The following FNDC7 variants were observed in gnomAD, a reference collection of about 807,000 sequenced individuals.
FNDC7 encodes the protein fibronectin type III domain containing 7.
A neutral mutation model predicts 74.2 loss-of-function variants in FNDC7; 66 were observed. The ratio of observed to expected loss-of-function variants is 0.89; its 90% confidence interval spans 0.73 to 1.09. FNDC7 has a LOEUF of 1.09. Ranked by LOEUF, FNDC7 falls within the 50% of genes least tolerant of loss-of-function variation. The pLI is 0.00. For missense variants in FNDC7, 829 were observed against 893.4 expected (o/e 0.93, Z 0.92); for synonymous variants, 307 against 330.2 (o/e 0.93, Z 0.76).
At chr1:108,729,206 T>TG (rs1265148818) in intron 8 of FNDC7, among the ~76,000 whole-genome samples, 2 of 152,210 alleles carry the variant, frequency 1.3e-5, no homozygotes, top group Non-Finnish European at 2.9e-5. Flanking sequence ...CCAAATGAGC[T>TG]GGGTTGTTAC....
intron 9 of FNDC7, among the ~76,000 whole-genome samples, chr1:108,732,290 C>A (rs371310603): frequency 5.2e-4 from 69 of 132,722 alleles, no homozygotes; most frequent in African/African-American, 1.8e-3. Flanking sequence ...ACCCGGGAGG[C>A]GGAGTTTGCA....
intron 4 of FNDC7, among the ~76,000 whole-genome samples, chr1:108,719,741 C>T (rs953401116): frequency 4.4e-5 from 4 of 90,356 alleles, no homozygotes; most frequent in Admixed American, 1.5e-4. Flanking sequence ...GTGAGCCAAG[C>T]GAATGAGAGA....
chr1:108,723,458 G>T (rs1661139800), intron 5 of FNDC7, among the ~76,000 whole-genome samples: 1 of 151,840 alleles, frequency 6.6e-6, no homozygotes, highest in Admixed American at 6.6e-5. Context: ...AAGAAAAGGA[G>T]CTGTCATCAA....
At chr1:108,725,623 C>A in intron 5 of FNDC7, 127 bp from the exon 6 acceptor site, 1 of 1,027,354 alleles carries the variant, frequency 9.7e-7, no homozygotes, top group Non-Finnish European at 1.4e-6. Flanking sequence ...GCATTTTGTG[C>A]ACCAAATTCA....
At chr1:108,737,683 T>C (rs1442172933) in intron 11 of FNDC7, among the ~76,000 whole-genome samples, 159 bp downstream of exon 11, 2 of 152,214 alleles carry the variant, frequency 1.3e-5, no homozygotes, top group Non-Finnish European at 2.9e-5. Context: ...CTCCCCATTA[T>C]AGTGCCTCCT....
In FNDC7 at chr1:108,740,318, C is replaced by CTT. The variant is rs567191029; in HGVS notation, c.2171-1429_2171-1428dup. On this transcript the variant is annotated intron_variant, in intron 11 of 12. Coordinates refer to ENST00000370017, the MANE Select transcript of FNDC7 (RefSeq NM_001144937.3). Reference sequence around the variant, plus strand: ...TTGGAGTATCCTAAAGCTTTTCAAACTTTTTTTTTTTTTTTTTTTTTTTTT... The same window carrying CTT: ...TTGGAGTATCCTAAAGCTTTTCAAACTTTTTTTTTTTTTTTTTTTTTTTTTTT... Among the ~76,000 whole-genome samples the CTT allele has an allele frequency of 1.2e-3, 80 of 68,896 alleles. 2 individuals carry two copies. Among genetic ancestry groups the CTT allele is most frequent in the African/African-American group, 1.8e-3 (30 of 16,316 alleles). The allele number at this position is 68,896 out of a possible 152,430, so 45.2% of individuals were successfully genotyped here. A position where few individuals can be genotyped will look rare whatever the true frequency, so the allele number is the denominator to read the frequency against.
chr1:108,718,380 C>T (rs142423451), intron 3 of FNDC7, among the ~76,000 whole-genome samples: 23 of 152,246 alleles, frequency 1.5e-4, no homozygotes, highest in Admixed American at 2.6e-4. Flanking sequence ...TATATGTTAA[C>T]AAAACAAATA....
intron 4 of FNDC7, among the ~76,000 whole-genome samples, chr1:108,721,095 G>A (rs1419839381): frequency 1.3e-5 from 2 of 152,238 alleles, no homozygotes; most frequent in Admixed American, 6.5e-5. Context: ...GCAGTGGGAA[G>A]GGGCCTGTCA....
chr1:108,733,622 A>G, intron 10 of FNDC7, 90 bp downstream of exon 10: 2 of 1,229,886 alleles, frequency 1.6e-6, no homozygotes, highest in Non-Finnish European at 2.3e-6. Context: ...CTATGTATGA[A>G]GGGCACAGAG....
chr1:108,721,826 C>T (rs981986319), intron 4 of FNDC7, among the ~76,000 whole-genome samples: 6 of 152,006 alleles, frequency 3.9e-5, no homozygotes, highest in Admixed American at 2.6e-4. Flanking sequence ...CAATTATGAC[C>T]GAAAAGCTAT....
Position 108,717,923 on chromosome 1 carries a change from C to T in FNDC7, c.229C>T (p.Pro77Ser). Reference protein sequence around the residue: ...TVIETTVANSPGTVTGLKAAT... With the variant: ...TVIETTVANSSGTVTGLKAAT... ...CATTGAAACCACGGTGGCCAATTCC[C>T]CAGGCACTGTGACGGGACTAAAGGC... is the stretch of plus-strand genomic sequence containing the variant. Residue 77 changes from proline (P) to serine (S), a missense_variant, in exon 3 of 13, where the codon CCA becomes TCA. By Grantham distance (74) the Pro-to-Ser change is moderately conservative. Transcript: ENST00000370017. 6.4e-7 allele frequency: 1 copy of T among 1,551,748 alleles called. No homozygotes were observed. The highest frequency in any genetic ancestry group is 8.7e-7 in the Non-Finnish European group (1 of 1,147,010).
Position 108,719,675 on chromosome 1 carries a change from C to T in FNDC7, c.598+626C>T, listed in dbSNP as rs1487835749. Among the ~76,000 whole-genome samples the T allele has an allele frequency of 2.0e-5, 3 of 151,904 alleles. No individual in the cohort carries two copies. The East Asian group carries it at 5.8e-4, about 29-fold the overall frequency. ...TTTCTCACCGTCCCACCTAGAGGTC[C>T]CCCGAGCAAAGGACTCTGCAGCATT... On this transcript the variant is annotated intron_variant, in intron 4 of 12. Coordinates refer to ENST00000370017, the MANE Select transcript of FNDC7 (RefSeq NM_001144937.3).
In FNDC7 at chr1:108,729,034, A is replaced by G. The variant is rs1661283561; in HGVS notation, c.1624+148A>G. ...TTTCAAAGAGTCCCGGTCATAGACA[A>G]TAAAATTTTCAATATTTTACAAGTT... On this transcript the variant is annotated intron_variant, in intron 8 of 12. Transcript: ENST00000370017. 3.9e-6 allele frequency: 4 copies of G among 1,021,996 alleles called. No individual in the cohort carries two copies. In the Admixed American group the frequency reaches 1.2e-4, roughly 29 times the overall value. 63.3% of individuals were successfully genotyped at this position (1,021,996 alleles called of 1,614,324 possible).
At chr1:108,722,290 T>C in intron 4 of FNDC7, 45 bp from the exon 5 acceptor site, 2 of 1,495,476 alleles carry the variant, frequency 1.3e-6, no homozygotes, top group South Asian at 1.4e-5. Context: ...TCTTACGTAG[T>C]TTGTAAGGCT....
chr1:108,719,207 T>C (rs1336756262), intron 4 of FNDC7, among the ~76,000 whole-genome samples, 158 bp downstream of exon 4: 1 of 152,236 alleles, frequency 6.6e-6, no homozygotes, highest in Admixed American at 6.5e-5. Context: ...GCCTTGTCTA[T>C]TCCTCCTCGG....
intron 5 of FNDC7, among the ~76,000 whole-genome samples, chr1:108,725,526 T>C (rs1224407979): frequency 1.3e-5 from 2 of 152,222 alleles, no homozygotes; most frequent in African/African-American, 4.8e-5. Flanking sequence ...TGAGAGGTCA[T>C]TAAAATTTGT....
intron 10 of FNDC7, 117 bp downstream of exon 10, chr1:108,733,649 C>CATTTTTTTTTT (rs1160919720): frequency 1.7e-6 from 1 of 575,148 alleles, no homozygotes; most frequent in African/African-American, 2.4e-5. Context: ...AAATTTCTTT[C>CATTTTTTTTTT]TTTTTTTTTT....
chr1:108,729,035 T>C, intron 8 of FNDC7, 149 bp downstream of exon 8: 2 of 1,010,932 alleles, frequency 2.0e-6, no homozygotes, highest in Non-Finnish European at 2.8e-6. Flanking sequence ...TCATAGACAA[T>C]AAAATTTTCA....
At chr1:108,715,658 T>TGC (rs1660954760) in intron 2 of FNDC7, among the ~76,000 whole-genome samples, 2 of 78,158 alleles carry the variant, frequency 2.6e-5, no homozygotes, top group African/African-American at 6.8e-5. Context: ...AACATGCGCG[T>TGC]GCGTGCGCGC....
Sources: allele counts gnomAD v4.1 joint callset (sites outside exome capture counted in the v4.1 genomes callset), GRCh38; gene constraint gnomAD v4.1.1; transcripts MANE v1.5; gene names NCBI Gene and HGNC (gene_info 2026-07-23, HGNC 2026-07-21).